The following RABGAP1L variants were observed in gnomAD, a reference collection of about 807,000 sequenced individuals.
The protein encoded by RABGAP1L is rab GTPase-activating protein 1-like.
In RABGAP1L, 63 loss-of-function variants were observed where a neutral mutation model predicts 137.7. The ratio of observed to expected loss-of-function variants is 0.46; its 90% CI spans 0.37 to 0.56. The LOEUF is 0.56. RABGAP1L is among the 20% of genes least tolerant of loss of function. The pLI, the probability that RABGAP1L is intolerant of heterozygous loss-of-function variation, is 0.00. For missense variants in RABGAP1L, 1,095 were observed against 1,244.0 expected, an observed-to-expected ratio of 0.88 and a Z score of 1.80; for synonymous variants, 431 against 433.7, an observed-to-expected ratio of 0.99 and a Z score of 0.08.
At chr1:174,241,009 A>T (rs1447701845) in intron 4 of RABGAP1L, among the ~76,000 whole-genome samples, 3 of 151,940 alleles carry the variant, frequency 2.0e-5, no homozygotes, top group Non-Finnish European at 4.4e-5. Flanking sequence ...GTTCCAGTTT[A>T]TTTTTGTGAT....
intron 13 of RABGAP1L, among the ~76,000 whole-genome samples, chr1:174,406,622 G>A (rs1017489778): frequency 2.6e-5 from 4 of 152,096 alleles, no homozygotes; most frequent in African/African-American, 9.7e-5. Flanking sequence ...GTGTAGTTTT[G>A]TAGGCTTTAA....
At chr1:174,826,458 G>A (rs1691576374) in intron 19 of RABGAP1L, among the ~76,000 whole-genome samples, 1 of 152,108 alleles carries the variant, frequency 6.6e-6, no homozygotes, top group Admixed American at 6.6e-5. Context: ...CTGACCTCAG[G>A]TAATCCACCT....
intron 13 of RABGAP1L, among the ~76,000 whole-genome samples, chr1:174,487,780 G>T (rs1175837597): frequency 6.6e-6 from 1 of 151,648 alleles, no homozygotes; most frequent in African/African-American, 2.4e-5. Context: ...ATTTTTTTGT[G>T]TATCTGTTGT....
chr1:174,479,231 T>A (rs1316313839), intron 13 of RABGAP1L, among the ~76,000 whole-genome samples: 2 of 152,226 alleles, frequency 1.3e-5, no homozygotes, highest in Non-Finnish European at 2.9e-5. Context: ...CTAGGTACCA[T>A]ACCTTAAGGA....
intron 20 of RABGAP1L, among the ~76,000 whole-genome samples, chr1:174,960,874 C>T (rs1325555452): frequency 1.2e-4 from 18 of 152,132 alleles, no homozygotes. Flanking sequence ...CCAGGTAGAA[C>T]ATATGTTGTA....
intron 19 of RABGAP1L, among the ~76,000 whole-genome samples, chr1:174,816,200 T>C (rs1410168481): frequency 1.4e-5 from 2 of 138,388 alleles, no homozygotes; most frequent in African/African-American, 2.6e-5. Flanking sequence ...TTGCCCAGGC[T>C]GGAGTGCAAT....
At position 174,346,194 on chromosome 1, in the gene RABGAP1L, G is replaced by T. The variant is rs137890349; in HGVS notation, c.1466-24785G>T. Among the ~76,000 whole-genome samples the T allele has an allele frequency of 9.2e-5, 14 of 152,150 alleles. No homozygotes were observed. In the East Asian group the frequency reaches 2.7e-3, roughly 29 times the overall value. ...GCATAATTGTTCAACAGGAATATTGGCCTATAATTTTCTTTTTTAAATGTG... is the reference window on the plus strand; with the variant it reads ...GCATAATTGTTCAACAGGAATATTGTCCTATAATTTTCTTTTTTAAATGTG... On this transcript the variant is annotated intron_variant, in intron 11 of 25. Coordinates refer to ENST00000681986, the MANE Select transcript of RABGAP1L (RefSeq NM_001366446.1).
Position 174,231,307 on chromosome 1 carries a change from C to T in RABGAP1L, c.494C>T (p.Pro165Leu), listed in dbSNP as rs915579860. ...ACCATGAAATCTTCCAGTCAATACCCCTTTCCTGTTACCCTGTATGTACCA... is the reference window on the plus strand; with the variant it reads ...ACCATGAAATCTTCCAGTCAATACCTCTTTCCTGTTACCCTGTATGTACCA... ...MATMKSSSQY[P>L]FPVTLYVPNV... The change falls in exon 4 of 26, where the codon CCC becomes CTC. Residue 165 changes from proline (P) to leucine (L), a missense_variant. Physicochemically the swap from Pro to Leu is moderately conservative, Grantham distance 98 (BLOSUM62 -3). Coordinates refer to ENST00000681986, the MANE Select transcript of RABGAP1L (RefSeq NM_001366446.1). The T allele has an allele frequency of 3.1e-6, 5 of 1,614,098 alleles. No homozygotes were observed. The highest frequency in any genetic ancestry group is 1.3e-5 in the African/African-American group (1 of 75,032).
chr1:174,963,140 T>C (rs1409639565), intron 20 of RABGAP1L, among the ~76,000 whole-genome samples: 1 of 152,154 alleles, frequency 6.6e-6, no homozygotes, highest in Non-Finnish European at 1.5e-5. Context: ...CAAATAAACT[T>C]ACATTTTATT....
At chr1:174,745,410 C>G (rs1558039611) in intron 17 of RABGAP1L, among the ~76,000 whole-genome samples, 1 of 152,172 alleles carries the variant, frequency 6.6e-6, no homozygotes, top group African/African-American at 2.4e-5. Context: ...AATGAGAGAA[C>G]AGAGACCTTA....
rs191377454 is a variant in RABGAP1L, at chr1:174,182,403, A to T, written c.-34+22746A>T. 2.6e-5 allele frequency among the ~76,000 whole-genome samples: 4 copies of T among 152,268 alleles called. No homozygotes were observed. In the East Asian group the frequency reaches 7.7e-4, roughly 29 times the overall value. On this transcript the variant is annotated intron_variant, in intron 1 of 25. Transcript: ENST00000681986. ...AGTCGAAATGGTTCTTGTCTCTCCC[A>T]CCCCTTCAATTCCTAGAAGACGAAA...
intron 5 of RABGAP1L, among the ~76,000 whole-genome samples, chr1:174,248,570 CTG>C (rs750964320): frequency 1.3e-5 from 2 of 152,062 alleles, no homozygotes; most frequent in African/African-American, 2.4e-5. Context: ...AAAGTTAAAA[CTG>C]TTAATTTGGC....
intron 11 of RABGAP1L, among the ~76,000 whole-genome samples, chr1:174,355,256 A>G (rs1168246874): frequency 6.6e-6 from 1 of 152,138 alleles, no homozygotes; most frequent in East Asian, 1.9e-4. Flanking sequence ...AATGTGGCAC[A>G]TATACACCAT....
intron 13 of RABGAP1L, among the ~76,000 whole-genome samples, chr1:174,503,620 C>A (rs1252048299): frequency 7.2e-6 from 1 of 138,084 alleles, no homozygotes; most frequent in Non-Finnish European, 1.5e-5. Flanking sequence ...GAGATTGCAC[C>A]ACTGCACTCC....
chr1:174,328,157 A>G (rs899095954), intron 11 of RABGAP1L, among the ~76,000 whole-genome samples: 1 of 151,500 alleles, frequency 6.6e-6, no homozygotes, highest in African/African-American at 2.4e-5. Context: ...GAAAATTAAC[A>G]TAGAAAAACT....
intron 20 of RABGAP1L, among the ~76,000 whole-genome samples, chr1:174,966,515 G>A (rs1240628443): frequency 6.6e-6 from 1 of 152,084 alleles, no homozygotes; most frequent in Admixed American, 6.5e-5. Context: ...ATGAAAAGGA[G>A]TAATAGATAT....
intron 13 of RABGAP1L, among the ~76,000 whole-genome samples, chr1:174,493,700 A>G (rs989850779): frequency 6.6e-6 from 1 of 150,918 alleles, no homozygotes; most frequent in African/African-American, 2.4e-5. Context: ...GTGCACCTGT[A>G]GTTTCAGCTA....
intron 14 of RABGAP1L, among the ~76,000 whole-genome samples, chr1:174,638,085 T>C (rs1674209602): frequency 6.6e-6 from 1 of 152,200 alleles, no homozygotes; most frequent in Non-Finnish European, 1.5e-5. Context: ...CATCAAGTTA[T>C]TAATTTTATC....
intron 17 of RABGAP1L, among the ~76,000 whole-genome samples, chr1:174,732,777 C>A (rs926521691): frequency 6.6e-6 from 1 of 152,196 alleles, no homozygotes; most frequent in Admixed American, 6.5e-5. Context: ...TCCTCAAATT[C>A]TCTGCTTATT....
Sources: allele counts gnomAD v4.1 joint callset (sites outside exome capture counted in the v4.1 genomes callset), GRCh38; gene constraint gnomAD v4.1.1; transcripts MANE v1.5; gene names NCBI Gene and HGNC (gene_info 2026-07-23, HGNC 2026-07-21).